Variants in HS6ST3 observed in about 807,000 individuals in gnomAD.
HS6ST3 encodes heparan sulfate 6-O-sulfotransferase 3, also known as heparan-sulfate 6-O-sulfotransferase 3.
Under a neutral mutation model 36.7 loss-of-function variants are expected in HS6ST3, and 12 were observed. That is an observed-to-expected ratio of 0.33 (90% CI 0.21 to 0.53). HS6ST3 has a LOEUF of 0.53. HS6ST3 is among the 20% of genes least tolerant of loss of function. The probability of loss-of-function intolerance (pLI) is 0.95; values close to 1 mark genes in which losing one functional copy is unlikely to be tolerated. For synonymous variants in HS6ST3, 240 were observed against 257.5 expected (o/e 0.93, Z 0.65); for missense variants, 584 against 640.9 (o/e 0.91, Z 0.96).
intron 1 of HS6ST3, among the ~76,000 whole-genome samples, chr13:96,715,005 GC>G (rs1296632941): frequency 1.3e-5 from 2 of 152,000 alleles, no homozygotes; most frequent in Non-Finnish European, 2.9e-5. Flanking sequence ...ACCACACCTG[GC>G]CCTAGGATAT....
At chr13:96,133,431 T>C (rs1470908889) in intron 1 of HS6ST3, among the ~76,000 whole-genome samples, 2 of 151,118 alleles carry the variant, frequency 1.3e-5, no homozygotes, top group Non-Finnish European at 2.9e-5. Flanking sequence ...TGACCTATTA[T>C]CTTTTTTTTG....
At chr13:96,715,161 C>T (rs1003908690) in intron 1 of HS6ST3, among the ~76,000 whole-genome samples, 6 of 151,668 alleles carry the variant, frequency 4.0e-5, no homozygotes, top group African/African-American at 4.8e-5. Flanking sequence ...ACATATATCA[C>T]GATGGAAAAA....
chr13:96,561,032 A>T (rs72642767), intron 1 of HS6ST3, among the ~76,000 whole-genome samples: 8,213 of 152,282 alleles, frequency 0.054, 279 homozygotes, highest in Middle Eastern at 0.095. Flanking sequence ...AGAACTGGAA[A>T]AAAAACTATT....
At chr13:96,350,882 G>A (rs189318507) in intron 1 of HS6ST3, among the ~76,000 whole-genome samples, 87 of 152,214 alleles carry the variant, frequency 5.7e-4, no homozygotes, top group African/African-American at 1.7e-3. Flanking sequence ...GCTCCCCATT[G>A]CTTCCTGTCC....
At chr13:96,828,396 T>G (rs1878695614) in intron 1 of HS6ST3, among the ~76,000 whole-genome samples, 1 of 152,214 alleles carries the variant, frequency 6.6e-6, no homozygotes, top group South Asian at 2.1e-4. Flanking sequence ...TTTTTTAGAA[T>G]GTTGCTTTAA....
intron 1 of HS6ST3, among the ~76,000 whole-genome samples, chr13:96,500,425 A>G (rs2055998603): frequency 6.6e-6 from 1 of 152,012 alleles, no homozygotes; most frequent in Non-Finnish European, 1.5e-5. Flanking sequence ...ATATATTTTA[A>G]TTTTTCTTGG....
At chr13:96,299,623 C>A (rs1203449460) in intron 1 of HS6ST3, among the ~76,000 whole-genome samples, 1 of 152,050 alleles carries the variant, frequency 6.6e-6, no homozygotes, top group Non-Finnish European at 1.5e-5. Context: ...GCAGCAAGTC[C>A]ATATTATGAA....
chr13:96,096,667 G>C (rs899814360), intron 1 of HS6ST3, among the ~76,000 whole-genome samples: 3 of 152,178 alleles, frequency 2.0e-5, no homozygotes, highest in Non-Finnish European at 2.9e-5. Flanking sequence ...TAGGTCGTCT[G>C]CTTCTTAATA....
chr13:96,435,758 AAT>A (rs2055638553), intron 1 of HS6ST3, among the ~76,000 whole-genome samples: 1 of 152,058 alleles, frequency 6.6e-6, no homozygotes, highest in South Asian at 2.1e-4. Context: ...AGCAAACAAA[AAT>A]AAAAACAAAA....
At chr13:96,094,471 C>T (rs2139291313) in intron 1 of HS6ST3, among the ~76,000 whole-genome samples, 1 of 152,194 alleles carries the variant, frequency 6.6e-6, no homozygotes, top group South Asian at 2.1e-4. Flanking sequence ...ATTAAGCATC[C>T]TAGGTTGCAA....
intron 1 of HS6ST3, among the ~76,000 whole-genome samples, chr13:96,313,808 T>G (rs2054953811): frequency 6.6e-6 from 1 of 152,210 alleles, no homozygotes; most frequent in South Asian, 2.1e-4. Flanking sequence ...TAGTATATTC[T>G]TGTTCTGACC....
At chr13:96,458,357 A>G (rs1201406071) in intron 1 of HS6ST3, among the ~76,000 whole-genome samples, 1 of 152,202 alleles carries the variant, frequency 6.6e-6, no homozygotes, top group African/African-American at 2.4e-5. Context: ...TGGTTGCACT[A>G]CATCCGATTT....
intron 1 of HS6ST3, among the ~76,000 whole-genome samples, chr13:96,827,969 G>A (rs1391332808): frequency 1.3e-5 from 2 of 152,148 alleles, no homozygotes; most frequent in African/African-American, 4.8e-5. Context: ...TTCAACTACA[G>A]TAATATCCAC....
At chr13:96,348,070 A>G (rs777630988) in intron 1 of HS6ST3, among the ~76,000 whole-genome samples, 1 of 152,246 alleles carries the variant, frequency 6.6e-6, no homozygotes, top group Non-Finnish European at 1.5e-5. Flanking sequence ...TGTCAACACT[A>G]TGCAATCAGA....
intron 1 of HS6ST3, among the ~76,000 whole-genome samples, chr13:96,638,066 T>G (rs943860937): frequency 5.3e-5 from 8 of 152,140 alleles, no homozygotes; most frequent in Non-Finnish European, 1.2e-4. Flanking sequence ...ACCAACCACC[T>G]TGGTTTTACC....
chr13:96,286,210 G>A (rs747132854), intron 1 of HS6ST3, among the ~76,000 whole-genome samples: 1 of 152,086 alleles, frequency 6.6e-6, no homozygotes, highest in Non-Finnish European at 1.5e-5. Context: ...GGCTCTTTCT[G>A]TGTAGCTTAG....
At chr13:96,632,648 G>T (rs2056535999) in intron 1 of HS6ST3, among the ~76,000 whole-genome samples, 1 of 152,156 alleles carries the variant, frequency 6.6e-6, no homozygotes, top group Admixed American at 6.5e-5. Flanking sequence ...GGGATCACTG[G>T]TTTTGACATT....
chr13:96,551,411 T>G (rs1440308522), intron 1 of HS6ST3, among the ~76,000 whole-genome samples: 1 of 152,138 alleles, frequency 6.6e-6, no homozygotes, highest in African/African-American at 2.4e-5. Context: ...AGAATAAAAA[T>G]GTATGTATTC....
chr13:96,267,074 A>C (rs561731396), intron 1 of HS6ST3, among the ~76,000 whole-genome samples: 12 of 152,272 alleles, frequency 7.9e-5, no homozygotes, highest in Non-Finnish European at 1.5e-4. Context: ...TGCTGGTCTC[A>C]TGATAGTGAA....
Sources: gnomAD v4.1 joint callset for allele counts (sites outside exome capture counted in the v4.1 genomes callset) on GRCh38, gnomAD v4.1.1 for gene constraint, MANE v1.5 for transcripts, NCBI Gene and HGNC (gene_info 2026-07-23, HGNC 2026-07-21) for gene names.